The following LSAMP variants were observed in gnomAD, a reference collection of about 807,000 sequenced individuals.
LSAMP encodes the protein limbic system associated membrane protein.
LSAMP carries 7 observed loss-of-function variants against 38.6 expected under a neutral mutation model. That is an observed-to-expected ratio of 0.18 (90% CI 0.10 to 0.34). The LOEUF is 0.34. LSAMP is among the 10% of genes least tolerant of loss of function. The pLI is 1.00. For synonymous variants in LSAMP, 154 were observed against 166.8 expected (o/e 0.92, Z 0.59); for missense variants, 313 against 420.0 (o/e 0.75, Z 2.23).
chr3:116,185,030 C>CTTTTTTTTTTTTTTTTTTTTTTTTT (rs368314567), intron 1 of LSAMP, among the ~76,000 whole-genome samples: 1 of 117,754 alleles, frequency 8.5e-6, no homozygotes, highest in Admixed American at 8.9e-5. Context: ...TTCTTTCTTT[C>CTTTTTTTTTTTTTTTTTTTTTTTTT]TTTTTTTTTT....
At chr3:115,964,129 G>C (rs528122292) in intron 3 of LSAMP, among the ~76,000 whole-genome samples, 3 of 152,244 alleles carry the variant, frequency 2.0e-5, no homozygotes, top group Admixed American at 2.0e-4. Context: ...TTTTTGCCCT[G>C]TTCTTAATAG....
At chr3:116,192,540 A>G (rs533066550) in intron 1 of LSAMP, among the ~76,000 whole-genome samples, 1 of 152,194 alleles carries the variant, frequency 6.6e-6, no homozygotes, top group African/African-American at 2.4e-5. Flanking sequence ...TTTTCCCTGT[A>G]TCTCCCAATA....
chr3:115,977,952 A>G (rs1356567667), intron 3 of LSAMP, among the ~76,000 whole-genome samples: 2 of 152,018 alleles, frequency 1.3e-5, no homozygotes, highest in South Asian at 2.1e-4. Flanking sequence ...GACAAACCCC[A>G]TAGTCTTTCT....
At chr3:116,209,462 A>T (rs561808056) in intron 1 of LSAMP, among the ~76,000 whole-genome samples, 12 of 152,276 alleles carry the variant, frequency 7.9e-5, no homozygotes, top group Admixed American at 3.9e-4. Context: ...TGAGTTTTTG[A>T]AATAATTTAG....
chr3:116,046,785 G>T (rs1941298545), intron 2 of LSAMP, among the ~76,000 whole-genome samples: 1 of 152,198 alleles, frequency 6.6e-6, no homozygotes, highest in Admixed American at 6.5e-5. Flanking sequence ...AAACAAGAGT[G>T]CTCCAGATAC....
chr3:116,416,205 G>A (rs753120245), intron 1 of LSAMP, among the ~76,000 whole-genome samples: 5 of 152,240 alleles, frequency 3.3e-5, no homozygotes, highest in Non-Finnish European at 5.9e-5. Flanking sequence ...GCACTTCTGT[G>A]TGCCAGCTAA....
chr3:116,405,587 A>T (rs533530391), intron 1 of LSAMP, among the ~76,000 whole-genome samples: 2 of 152,034 alleles, frequency 1.3e-5, no homozygotes, highest in African/African-American at 4.8e-5. Context: ...AACATGTAAA[A>T]CTCCAAGCAG....
chr3:115,817,359 G>A (rs1437530922), intron 6 of LSAMP, among the ~76,000 whole-genome samples: 2 of 152,062 alleles, frequency 1.3e-5, no homozygotes, highest in African/African-American at 4.8e-5. Context: ...TAGACTATAT[G>A]CTCCACGAGG....
chr3:115,864,765 T>C (rs1453803875), intron 3 of LSAMP, among the ~76,000 whole-genome samples: 1 of 152,120 alleles, frequency 6.6e-6, no homozygotes, highest in African/African-American at 2.4e-5. Flanking sequence ...AAGTGTATGA[T>C]TAATAGAGTG....
intron 2 of LSAMP, among the ~76,000 whole-genome samples, chr3:116,023,668 A>G (rs1183233123): frequency 1.3e-5 from 2 of 151,192 alleles, no homozygotes; most frequent in African/African-American, 4.9e-5. Context: ...GCTCACTGCC[A>G]CACATTCACC....
chr3:116,075,250 C>T (rs781516122), intron 2 of LSAMP, among the ~76,000 whole-genome samples: 11 of 150,116 alleles, frequency 7.3e-5, no homozygotes, highest in Non-Finnish European at 1.3e-4. Flanking sequence ...AATTCTCTTG[C>T]GTCAGCCTCC....
At chr3:116,417,487 A>G (rs2049067303) in intron 1 of LSAMP, among the ~76,000 whole-genome samples, 1 of 152,196 alleles carries the variant, frequency 6.6e-6, no homozygotes, top group African/African-American at 2.4e-5. Context: ...CCTGCACTTC[A>G]GGGGCTGTGT....
At chr3:115,828,668 A>T (rs1934507684) in intron 6 of LSAMP, among the ~76,000 whole-genome samples, 1 of 152,240 alleles carries the variant, frequency 6.6e-6, no homozygotes, top group Non-Finnish European at 1.5e-5. Context: ...CCTCTTAGGC[A>T]GCTTTATTCC....
chr3:116,273,610 C>A (rs1001664286), intron 1 of LSAMP, among the ~76,000 whole-genome samples: 30 of 145,072 alleles, frequency 2.1e-4, no homozygotes, highest in Admixed American at 1.5e-3. Flanking sequence ...ATTCACGTAA[C>A]CCACGGTAGG....
At chr3:115,943,691 C>G (rs1938004420) in intron 3 of LSAMP, among the ~76,000 whole-genome samples, 1 of 152,188 alleles carries the variant, frequency 6.6e-6, no homozygotes, top group Non-Finnish European at 1.5e-5. Context: ...CTTCTGAAAT[C>G]TAATCCGAAA....
At chr3:116,354,363 A>G (rs191359002) in intron 1 of LSAMP, among the ~76,000 whole-genome samples, 1 of 152,308 alleles carries the variant, frequency 6.6e-6, no homozygotes, top group East Asian at 1.9e-4. Flanking sequence ...CCACCTTGTT[A>G]CAAACACCTT....
At chr3:116,195,146 C>T (rs1710853061) in intron 1 of LSAMP, among the ~76,000 whole-genome samples, 1 of 152,154 alleles carries the variant, frequency 6.6e-6, no homozygotes, top group Non-Finnish European at 1.5e-5. Flanking sequence ...GCTATATTTC[C>T]TCTAGAGATC....
At chr3:115,875,183 G>A (rs1256402689) in intron 3 of LSAMP, among the ~76,000 whole-genome samples, 1 of 152,096 alleles carries the variant, frequency 6.6e-6, no homozygotes, top group Non-Finnish European at 1.5e-5. Context: ...ATTTTCCTCA[G>A]AAGAGATGTT....
chr3:116,356,402 T>A (rs2048224042), intron 1 of LSAMP, among the ~76,000 whole-genome samples: 3 of 152,128 alleles, frequency 2.0e-5, no homozygotes, highest in South Asian at 4.1e-4. Context: ...AGATAGAGAA[T>A]AGAATGATGG....
Sources: gnomAD v4.1 joint callset for allele counts (sites outside exome capture counted in the v4.1 genomes callset) on GRCh38, gnomAD v4.1.1 for gene constraint, MANE v1.5 for transcripts, NCBI Gene and HGNC (gene_info 2026-07-23, HGNC 2026-07-21) for gene names.